ECPAS: variants seen among roughly 807,000 people sequenced by gnomAD.
The protein encoded by ECPAS is proteasome adapter and scaffold protein ECM29.
In ECPAS, 70 loss-of-function variants were observed where a neutral mutation model predicts 255.1. The observed-to-expected ratio is 0.27, with a 90% confidence interval of 0.23 to 0.33. The LOEUF is 0.33. Among genes scored for constraint, ECPAS ranks in the 10% least tolerant of loss-of-function variants. ECPAS has a pLI of 1.00. For synonymous variants in ECPAS, 784 were observed against 775.0 expected (o/e 1.01, Z -0.19); for missense variants, 1,817 against 2,206.4 (o/e 0.82, Z 3.54).
At chr9:111,479,723 G>A (rs1054201570) in intron 1 of ECPAS, among the ~76,000 whole-genome samples, 1 of 152,056 alleles carries the variant, frequency 6.6e-6, no homozygotes, top group African/African-American at 2.4e-5. Flanking sequence ...GCTCACGCCT[G>A]TAATCCCAGC....
chr9:111,450,400 T>A (rs1264182928), intron 3 of ECPAS, among the ~76,000 whole-genome samples: 1 of 152,142 alleles, frequency 6.6e-6, no homozygotes, highest in Non-Finnish European at 1.5e-5. Flanking sequence ...TGTAAAGAGA[T>A]ATAAACATAA....
chr9:111,373,125 T>C, intron 41 of ECPAS, 45 bp downstream of exon 41: 1 of 1,457,016 alleles, frequency 6.9e-7, no homozygotes, highest in Non-Finnish European at 9.6e-7. Flanking sequence ...ACTGGGCTGT[T>C]AACATCTAAA....
chr9:111,483,526 G>A (rs1405428470), intron 1 of ECPAS: 7 of 978,994 alleles, frequency 7.2e-6, no homozygotes, highest in East Asian at 1.2e-4. Flanking sequence ...GGGAGGCGGA[G>A]GCGGCGGCCG....
chr9:111,398,410 TAC>T (rs1349623482), intron 24 of ECPAS, among the ~76,000 whole-genome samples: 1 of 152,208 alleles, frequency 6.6e-6, no homozygotes, highest in African/African-American at 2.4e-5. Flanking sequence ...ACTCCACAGC[TAC>T]ATTTATGAAT....
intron 5 of ECPAS, 57 bp from the exon 6 acceptor site, chr9:111,440,578 C>G: frequency 7.3e-7 from 1 of 1,363,234 alleles, no homozygotes; most frequent in Admixed American, 2.5e-5. Context: ...TTTATACATG[C>G]AAAACACAGA....
chr9:111,478,973 C>T (rs2098300066), intron 1 of ECPAS, among the ~76,000 whole-genome samples: 1 of 152,166 alleles, frequency 6.6e-6, no homozygotes, highest in Admixed American at 6.5e-5. Flanking sequence ...CTGATTTGAA[C>T]TGTTCATCAT....
intron 7 of ECPAS, among the ~76,000 whole-genome samples, chr9:111,435,260 G>GA (rs957334782): frequency 2.6e-5 from 4 of 151,792 alleles, no homozygotes; most frequent in Non-Finnish European, 5.9e-5. Context: ...TTTATAATTG[G>GA]AAAAAACATG....
chr9:111,377,399 C>A (rs1195053764), intron 36 of ECPAS, among the ~76,000 whole-genome samples: 1 of 152,034 alleles, frequency 6.6e-6, no homozygotes, highest in Non-Finnish European at 1.5e-5. Context: ...AGGCAATGGA[C>A]AATGCTAGGA....
At chr9:111,391,876 C>T in intron 28 of ECPAS, 52 bp from the exon 29 acceptor site, 1 of 1,102,438 alleles carries the variant, frequency 9.1e-7, no homozygotes, top group South Asian at 1.3e-5. Context: ...TACCAACATT[C>T]AACTAGCCAA....
Position 111,456,045 on chromosome 9 carries a change from G to A in ECPAS, c.23-4490C>T, listed in dbSNP as rs565832937. 3.3e-5 allele frequency among the ~76,000 whole-genome samples: 5 copies of A among 152,284 alleles called. No individual in the cohort carries two copies. In the South Asian group the frequency reaches 1.0e-3, roughly 32 times the overall value. ...AAGTACACTTATGATTTTGCTTTCT[G>A]CATTCAAGTCTTTGATCCATCTGGA... On this transcript the variant is annotated intron_variant, in intron 2 of 49. Transcript: ENST00000684092.
intron 16 of ECPAS, 148 bp from the exon 17 acceptor site, chr9:111,418,154 A>G (rs374977991): frequency 1.5e-6 from 1 of 678,242 alleles, no homozygotes; most frequent in East Asian, 3.0e-5. Flanking sequence ...CAGAGTCAAC[A>G]TAACACATTA....
chr9:111,407,953 G>A (rs1016515499), intron 24 of ECPAS, among the ~76,000 whole-genome samples: 1 of 152,190 alleles, frequency 6.6e-6, no homozygotes, highest in East Asian at 1.9e-4. Context: ...AGTAACTAAA[G>A]AATCTACCCT....
At chr9:111,436,358 A>G (rs2098238197) in intron 7 of ECPAS, among the ~76,000 whole-genome samples, 1 of 152,226 alleles carries the variant, frequency 6.6e-6, no homozygotes, top group African/African-American at 2.4e-5. Flanking sequence ...CCTTCTCTGT[A>G]GAGCACCAGT....
In ECPAS at chr9:111,392,703, T is replaced by A. The variant is rs546874779; in HGVS notation, c.3092+65A>T. ...AAAGCCGAATCTTCCTTCTCCAGCA[T>A]CTTCTCACTATGTGTAGAGACTTCC... is the stretch of plus-strand genomic sequence containing the variant. On this transcript the variant is annotated intron_variant, in intron 28 of 49. Transcript: ENST00000684092. 208 of 1,069,790 alleles carry A rather than the reference T, an allele frequency of 1.9e-4. 4 individuals carry two copies. In the South Asian group the frequency reaches 2.8e-3, roughly 14 times the overall value. The allele number at this position is 1,069,790 out of a possible 1,614,324, so 66.3% of individuals were successfully genotyped here.
intron 3 of ECPAS, among the ~76,000 whole-genome samples, chr9:111,449,267 T>C (rs946493954): frequency 1.3e-5 from 2 of 152,074 alleles, no homozygotes; most frequent in Non-Finnish European, 2.9e-5. Flanking sequence ...AAAGGGAACA[T>C]TAATCTAAAA....
At chr9:111,481,594 T>C (rs2098305330) in intron 1 of ECPAS, among the ~76,000 whole-genome samples, 1 of 152,230 alleles carries the variant, frequency 6.6e-6, no homozygotes, top group Non-Finnish European at 1.5e-5. Flanking sequence ...ATTACATTTC[T>C]GGGTATGTAC....
chr9:111,377,879 G>A (rs2098135272), intron 36 of ECPAS, among the ~76,000 whole-genome samples: 1 of 152,178 alleles, frequency 6.6e-6, no homozygotes, highest in Non-Finnish European at 1.5e-5. Context: ...GGGTGCGGTG[G>A]CTCACGCCTG....
chr9:111,435,136 T>C (rs1057431078), intron 7 of ECPAS, among the ~76,000 whole-genome samples: 9 of 151,502 alleles, frequency 5.9e-5, no homozygotes, highest in Middle Eastern at 3.4e-3. Context: ...TGACCTCAAG[T>C]GATCCACCCA....
In ECPAS at chr9:111,466,616, T is replaced by TACACACACAC. The variant is rs55763374; in HGVS notation, c.22+6271_22+6280dup. 3.7e-3 allele frequency among the ~76,000 whole-genome samples: 531 copies of TACACACACAC among 143,498 alleles called. 4 individuals are homozygous for TACACACACAC. Among genetic ancestry groups the TACACACACAC allele is most frequent in the East Asian group, 0.024 (116 of 4,832 alleles). 94.1% of individuals were successfully genotyped at this position (143,498 alleles called of 152,430 possible). ...TCTACTAAAAATATAAATAACTAAATACACACACACACACACACACACACA... is the reference window on the plus strand; with the variant it reads ...TCTACTAAAAATATAAATAACTAAATACACACACACACACACACACACACACACACACACA... On this transcript the variant is annotated intron_variant, in intron 2 of 49. Coordinates refer to ENST00000684092, the MANE Select transcript of ECPAS (RefSeq NM_001364929.1).
Sources: allele counts gnomAD v4.1 joint callset (sites outside exome capture counted in the v4.1 genomes callset), GRCh38; gene constraint gnomAD v4.1.1; transcripts MANE v1.5; gene names NCBI Gene and HGNC (gene_info 2026-07-23, HGNC 2026-07-21).